Variants in ATP9A observed in about 807,000 individuals in gnomAD.
ATP9A encodes probable phospholipid-transporting ATPase IIA.
ATP9A carries 52 observed loss-of-function variants against 144.1 expected under a neutral mutation model. That is an observed-to-expected ratio of 0.36 (90% CI 0.29 to 0.45). The LOEUF (loss-of-function observed/expected upper bound fraction) is 0.45, where lower values mean the gene tolerates loss of function less well. Ranked by LOEUF, ATP9A falls within the 20% of genes least tolerant of loss-of-function variation. The pLI is 1.00. For synonymous variants in ATP9A, 582 were observed against 557.4 expected (o/e 1.04, Z -0.62); for missense variants, 947 against 1,392.7 (o/e 0.68, Z 5.09).
intron 1 of ATP9A, among the ~76,000 whole-genome samples, chr20:51,730,926 T>C (rs2122875671): frequency 6.6e-6 from 1 of 152,292 alleles, no homozygotes; most frequent in African/African-American, 2.4e-5. Context: ...CCCAACACTT[T>C]GGGAGGCCAA....
intron 19 of ATP9A, among the ~76,000 whole-genome samples, chr20:51,621,571 C>G (rs1283965567): frequency 6.6e-6 from 1 of 152,166 alleles, no homozygotes; most frequent in Non-Finnish European, 1.5e-5. Flanking sequence ...GCCACAAGGG[C>G]GGGCGATTTC....
At chr20:51,648,076 C>T (rs889411145) in intron 14 of ATP9A, among the ~76,000 whole-genome samples, 2 of 152,198 alleles carry the variant, frequency 1.3e-5, no homozygotes, top group Admixed American at 6.6e-5. Context: ...ACTCCAACAC[C>T]CTCCTAAATC....
chr20:51,716,932 G>C (rs974575228), intron 3 of ATP9A, among the ~76,000 whole-genome samples: 11 of 152,226 alleles, frequency 7.2e-5, no homozygotes, highest in African/African-American at 2.6e-4. Context: ...CCAGTACTTC[G>C]GGAGGCCGAG....
intron 2 of ATP9A, among the ~76,000 whole-genome samples, chr20:51,727,171 A>G (rs985016918): frequency 1.3e-5 from 2 of 151,418 alleles, no homozygotes; most frequent in Non-Finnish European, 2.9e-5. Flanking sequence ...GCTACTCAGG[A>G]GGTTGAGGCA....
intron 14 of ATP9A, among the ~76,000 whole-genome samples, chr20:51,651,001 G>C (rs2077361929): frequency 6.7e-6 from 1 of 148,638 alleles, no homozygotes; most frequent in African/African-American, 2.5e-5. Context: ...TTTTTTTTGA[G>C]ACAGTCTCGC....
At chr20:51,640,866 G>A (rs556195537) in intron 14 of ATP9A, among the ~76,000 whole-genome samples, 16 of 152,272 alleles carry the variant, frequency 1.1e-4, no homozygotes, top group Admixed American at 9.8e-4. Flanking sequence ...AGGGTGGATG[G>A]AGCTTCCAGT....
In ATP9A at chr20:51,622,454, G is replaced by A. The variant is rs537600818; in HGVS notation, c.2017-282C>T. On this transcript the variant is annotated intron_variant, in intron 18 of 27. Transcript: ENST00000338821. ...TACTATGAAGCTCGGTCCTTGGACC[G>A]CATAATTCCCCTTCTGAGGATTTTT... Among the ~76,000 whole-genome samples the A allele has an allele frequency of 5.9e-5, 9 of 152,248 alleles. No individual in the cohort carries two copies. The South Asian group carries it at 1.2e-3, about 21-fold the overall frequency.
intron 1 of ATP9A, among the ~76,000 whole-genome samples, chr20:51,745,136 G>T (rs1049067322): frequency 6.6e-6 from 1 of 152,054 alleles, no homozygotes; most frequent in Non-Finnish European, 1.5e-5. Context: ...ATTTAGCCAG[G>T]TGTGGCTGTA....
intron 27 of ATP9A, among the ~76,000 whole-genome samples, chr20:51,603,504 G>A (rs933393427): frequency 6.6e-6 from 1 of 152,082 alleles, no homozygotes; most frequent in Non-Finnish European, 1.5e-5. Context: ...CACCCGATGG[G>A]GTCCGTAGCA....
chr20:51,670,549 C>T (rs1163456945), intron 12 of ATP9A, among the ~76,000 whole-genome samples: 1 of 152,168 alleles, frequency 6.6e-6, no homozygotes, highest in Non-Finnish European at 1.5e-5. Context: ...TGGTGGCTCT[C>T]CTTCCAGAAA....
At position 51,668,721 on chromosome 20, in the gene ATP9A, T is replaced by C. The variant is rs1466159937; in HGVS notation, c.1293+1276A>G. 2.6e-5 allele frequency among the ~76,000 whole-genome samples: 4 copies of C among 152,284 alleles called. No homozygotes were observed. The East Asian group carries it at 7.7e-4, about 29-fold the overall frequency. On this transcript the variant is annotated intron_variant, in intron 13 of 27. Coordinates refer to ENST00000338821, the MANE Select transcript of ATP9A (RefSeq NM_006045.3). ...CCATTTGGAGACCAGCCATGACGCC[T>C]CCCCATGGAGCCTGGAACAGCAACA... is the stretch of plus-strand genomic sequence containing the variant.
At chr20:51,743,502 C>T (rs2077794099) in intron 1 of ATP9A, among the ~76,000 whole-genome samples, 3 of 144,368 alleles carry the variant, frequency 2.1e-5, no homozygotes, top group African/African-American at 5.2e-5. Flanking sequence ...CGGATTCAAG[C>T]GATTCTACTC....
At position 51,631,880 on chromosome 20, in the gene ATP9A, C is replaced by T. The variant is rs549504603; in HGVS notation, c.1669-2808G>A. On this transcript the variant is annotated intron_variant, in intron 15 of 27. Coordinates refer to ENST00000338821, the MANE Select transcript of ATP9A (RefSeq NM_006045.3). The stretch of plus-strand genomic sequence containing the variant: ...TCACACGAGTCCTTCTCCAACCTTG[C>T]CTGATTTCTTAAGAGACAGACATTC... Among the ~76,000 whole-genome samples the T allele has an allele frequency of 3.9e-5, 6 of 152,276 alleles. No homozygotes were observed. In the South Asian group the frequency reaches 1.0e-3, roughly 26 times the overall value.
Position 51,694,111 on chromosome 20 carries a change from G to A in ATP9A, c.548-9C>T, listed in dbSNP as rs770731801. The A allele has an allele frequency of 6.8e-6, 11 of 1,613,438 alleles. No homozygotes were observed. The highest frequency in any genetic ancestry group is 8.5e-6 in the Non-Finnish European group (10 of 1,179,522). ...CCGCAAGAAGCATGACCCTGTGGAA[G>A]GAAGTCGGGTGCCGTCACCTGCACC... On this transcript the variant is annotated splice_polypyrimidine_tract_variant and intron_variant, in intron 6 of 27. Transcript: ENST00000338821.
At chr20:51,658,750 C>T (rs1369958684) in intron 13 of ATP9A, among the ~76,000 whole-genome samples, 2 of 151,812 alleles carry the variant, frequency 1.3e-5, no homozygotes, top group Non-Finnish European at 2.9e-5. Context: ...GAACTCCTGA[C>T]CTCAAGCGAT....
At chr20:51,751,725 C>T (rs2077832884) in intron 1 of ATP9A, among the ~76,000 whole-genome samples, 1 of 152,110 alleles carries the variant, frequency 6.6e-6, no homozygotes, top group Non-Finnish European at 1.5e-5. Flanking sequence ...GTAGCTGGGA[C>T]TGCAGGCGCC....
chr20:51,686,913 C>G (rs1462828115), intron 9 of ATP9A, among the ~76,000 whole-genome samples: 1 of 144,518 alleles, frequency 6.9e-6, no homozygotes, highest in Non-Finnish European at 1.5e-5. Context: ...CCAGCCTGGG[C>G]CACAGAGGGA....
chr20:51,606,815 C>T (rs971675154), intron 26 of ATP9A, among the ~76,000 whole-genome samples: 3 of 151,938 alleles, frequency 2.0e-5, no homozygotes, highest in Non-Finnish European at 4.4e-5. Context: ...GAGGTCGAGG[C>T]TACGGCGAGC....
intron 4 of ATP9A, among the ~76,000 whole-genome samples, chr20:51,699,956 T>C (rs2077586689): frequency 6.6e-6 from 1 of 152,176 alleles, no homozygotes; most frequent in Admixed American, 6.5e-5. Flanking sequence ...TACTGACTTC[T>C]AGAAAGCACT....
Sources: allele counts gnomAD v4.1 joint callset (sites outside exome capture counted in the v4.1 genomes callset), GRCh38; gene constraint gnomAD v4.1.1; transcripts MANE v1.5; gene names NCBI Gene and HGNC (gene_info 2026-07-23, HGNC 2026-07-21).